Variants in SMC5 observed in about 807,000 individuals in gnomAD.
SMC5 encodes the protein structural maintenance of chromosomes 5.
In SMC5, 88 loss-of-function variants were observed where a neutral mutation model predicts 148.3. The ratio of observed to expected loss-of-function variants is 0.59; its 90% CI spans 0.50 to 0.71. The LOEUF (loss-of-function observed/expected upper bound fraction) is 0.71, where lower values mean the gene tolerates loss of function less well. Ranked by LOEUF, SMC5 falls within the 30% of genes least tolerant of loss-of-function variation. The probability of loss-of-function intolerance (pLI) is 0.00; values close to 1 mark genes in which losing one functional copy is unlikely to be tolerated. For missense variants in SMC5, 1,142 were observed against 1,298.9 expected, an observed-to-expected ratio of 0.88 and a Z score of 1.86; for synonymous variants, 421 against 432.8, an observed-to-expected ratio of 0.97 and a Z score of 0.34.
At chr9:70,326,476 A>T (rs753016572) in intron 17 of SMC5, among the ~76,000 whole-genome samples, 16 of 152,264 alleles carry the variant, frequency 1.1e-4, no homozygotes, top group East Asian at 1.9e-4. Context: ...ATATATTCTT[A>T]GGTCAAAAAA....
At chr9:70,298,508 A>C (rs2035268708) in intron 9 of SMC5, among the ~76,000 whole-genome samples, 1 of 152,096 alleles carries the variant, frequency 6.6e-6, no homozygotes. Flanking sequence ...ACTATTACTC[A>C]TATCAAATTT....
At chr9:70,285,868 A>G (rs150459764) in intron 7 of SMC5, among the ~76,000 whole-genome samples, 1,895 of 152,282 alleles carry the variant, frequency 0.012, 24 homozygotes, top group Non-Finnish European at 0.02. Context: ...CTATGTATAA[A>G]GGTTACTTGG....
At chr9:70,299,769 T>C (rs1381697552) in intron 9 of SMC5, among the ~76,000 whole-genome samples, 1 of 151,372 alleles carries the variant, frequency 6.6e-6, no homozygotes, top group African/African-American at 2.4e-5. Flanking sequence ...GGAAATCTAG[T>C]GTTTTCCTTG....
chr9:70,340,345 A>T (rs189872111), intron 17 of SMC5, among the ~76,000 whole-genome samples: 1 of 152,062 alleles, frequency 6.6e-6, no homozygotes, highest in African/African-American at 2.4e-5. Context: ...AAATAGTATT[A>T]TTCCCATTAT....
Position 70,259,075 on chromosome 9 carries a change from C to T in SMC5, c.-4C>T. Reference sequence around the variant, plus strand: ...AGTCGCTGTGGGACGCTGAGGAAGCCAGGATGGCGACTCCGAGCAAGAAGA... The same window carrying T: ...AGTCGCTGTGGGACGCTGAGGAAGCTAGGATGGCGACTCCGAGCAAGAAGA... On this transcript the variant is annotated 5_prime_UTR_variant, in exon 1 of 25. Coordinates refer to ENST00000361138, the MANE Select transcript of SMC5 (RefSeq NM_015110.4). 1 of 1,601,588 alleles carries T rather than the reference C, an allele frequency of 6.2e-7. No individual in the cohort carries two copies. The highest frequency in any genetic ancestry group is 1.1e-5 in the South Asian group (1 of 89,422).
chr9:70,280,411 G>C lies in SMC5; in HGVS notation c.679-348G>C, dbSNP rs147303228. Among the ~76,000 whole-genome samples, 521 of 152,206 alleles carry C rather than the reference G, an allele frequency of 3.4e-3. 2 individuals are homozygous for C. The highest frequency in any genetic ancestry group is 0.012 in the African/African-American group (495 of 41,512). ...ATATCACTTTTACAGCTTTTGTTTA[G>C]CTTTCATTTATATTAAGTGAATTGC... is the stretch of plus-strand genomic sequence containing the variant. On this transcript the variant is annotated intron_variant, in intron 5 of 24. Transcript: ENST00000361138.
At chr9:70,303,550 A>G (rs746988555) in intron 10 of SMC5, among the ~76,000 whole-genome samples, 13 of 152,172 alleles carry the variant, frequency 8.5e-5, no homozygotes, top group Non-Finnish European at 1.6e-4. Flanking sequence ...TCATTTTTCT[A>G]TACTGAATGG....
At position 70,350,359 on chromosome 9, in the gene SMC5, T is replaced by C. The variant is rs1367781132; in HGVS notation, c.3070-17T>C. 1 of 1,610,370 alleles carries C rather than the reference T, an allele frequency of 6.2e-7. No individual in the cohort carries two copies. The highest frequency in any genetic ancestry group is 8.5e-7 in the Non-Finnish European group (1 of 1,178,538). Reference sequence around the variant, plus strand: ...GTAACAGGAATAAATGTAATCATTATTGTTGCCATTGTTTAGGGAATGGAC... The same window carrying C: ...GTAACAGGAATAAATGTAATCATTACTGTTGCCATTGTTTAGGGAATGGAC... On this transcript the variant is annotated splice_polypyrimidine_tract_variant and intron_variant, in intron 23 of 24. Coordinates refer to ENST00000361138, the MANE Select transcript of SMC5 (RefSeq NM_015110.4).
intron 10 of SMC5, 52 bp downstream of exon 10, chr9:70,300,252 G>T: frequency 6.5e-7 from 1 of 1,531,132 alleles, no homozygotes; most frequent in East Asian, 2.4e-5. Context: ...TGTAATCATA[G>T]ATTTTTGTTT....
Position 70,353,761 on chromosome 9 carries a change from G to GA in SMC5, c.*1434dup, listed in dbSNP as rs763306591. On this transcript the variant is annotated 3_prime_UTR_variant, in exon 25 of 25. Transcript: ENST00000361138. ...AAACTAACTCCAGTGCATGAAGTGT[G>GA]AAAATATTTTAAAATGACATTTTTA... The GA allele has an allele frequency of 3.9e-5, 6 of 152,138 alleles. No individual in the cohort carries two copies. The highest frequency in any genetic ancestry group is 6.5e-5 in the Admixed American group (1 of 15,270). The allele number at this position is 152,138 out of a possible 1,614,324, so 9.4% of individuals were successfully genotyped here. A position where few individuals can be genotyped will look rare whatever the true frequency, so the allele number is the denominator to read the frequency against.
chr9:70,287,922 A>G (rs1374545608), intron 8 of SMC5, among the ~76,000 whole-genome samples: 2 of 152,154 alleles, frequency 1.3e-5, no homozygotes, highest in African/African-American at 4.8e-5. Context: ...GGTTCCTATA[A>G]TATACTGCTA....
chr9:70,327,540 C>T (rs962806221), intron 17 of SMC5, among the ~76,000 whole-genome samples: 4 of 151,934 alleles, frequency 2.6e-5, no homozygotes, highest in African/African-American at 7.3e-5. Flanking sequence ...TAATATTGGT[C>T]GCTTTGGAGG....
At chr9:70,278,750 G>T (rs1294002863) in intron 5 of SMC5, 125 bp downstream of exon 5, 5 of 882,922 alleles carry the variant, frequency 5.7e-6, no homozygotes, top group Non-Finnish European at 8.3e-6. Flanking sequence ...TTTCACTTAG[G>T]ATTGTACTGC....
At chr9:70,298,255 A>C (rs767588076) in intron 9 of SMC5, 34 bp downstream of exon 9, 3 of 1,585,280 alleles carry the variant, frequency 1.9e-6, no homozygotes. Flanking sequence ...AAATGTTTAT[A>C]AAATGTAGAT....
At chr9:70,306,483 G>A (rs1305988026) in intron 11 of SMC5, among the ~76,000 whole-genome samples, 1 of 152,168 alleles carries the variant, frequency 6.6e-6, no homozygotes, top group Non-Finnish European at 1.5e-5. Context: ...TTAAAAATTT[G>A]TGTTTGTTAG....
At chr9:70,275,677 CTT>C (rs1481763696) in intron 3 of SMC5, among the ~76,000 whole-genome samples, 2 of 151,664 alleles carry the variant, frequency 1.3e-5, no homozygotes, top group South Asian at 4.1e-4. Flanking sequence ...TAATCATTCT[CTT>C]TTTCTGAAGA....
chr9:70,340,588 G>A (rs1289238714), intron 17 of SMC5, among the ~76,000 whole-genome samples: 1 of 152,012 alleles, frequency 6.6e-6, no homozygotes, highest in African/African-American at 2.4e-5. Flanking sequence ...AAAAATGAGG[G>A]AGAAATGTGT....
chr9:70,323,667 A>G, intron 16 of SMC5, 61 bp downstream of exon 16: 1 of 1,532,980 alleles, frequency 6.5e-7, no homozygotes, highest in Non-Finnish European at 8.8e-7. Context: ...ATAAGATAGT[A>G]AAATCTTTAG....
chr9:70,290,783 A>AT (rs1164746825), intron 8 of SMC5, among the ~76,000 whole-genome samples: 2 of 152,220 alleles, frequency 1.3e-5, no homozygotes, highest in Non-Finnish European at 2.9e-5. Context: ...TTAATTTTAC[A>AT]TAAACACACT....
Sources: gnomAD v4.1 joint callset for allele counts (sites outside exome capture counted in the v4.1 genomes callset) on GRCh38, gnomAD v4.1.1 for gene constraint, MANE v1.5 for transcripts, NCBI Gene and HGNC (gene_info 2026-07-23, HGNC 2026-07-21) for gene names.